The following RASEF variants were observed in gnomAD, a reference collection of about 807,000 sequenced individuals.
The protein encoded by RASEF is RAS and EF-hand domain containing, also known as ras and EF-hand domain-containing protein.
A neutral mutation model predicts 90.1 loss-of-function variants in RASEF; 68 were observed. The observed-to-expected ratio is 0.75, with a 90% CI of 0.62 to 0.92. The LOEUF is 0.92. Ranked by LOEUF, RASEF falls within the 40% of genes least tolerant of loss-of-function variation. The pLI, the probability that RASEF is intolerant of heterozygous loss-of-function variation, is 0.00. For synonymous variants in RASEF, 331 were observed against 345.2 expected (o/e 0.96, Z 0.46); for missense variants, 949 against 937.2 (o/e 1.01, Z -0.16).
chr9:83,005,648 A>T, intron 7 of RASEF, 148 bp from the exon 8 acceptor site: 2 of 658,938 alleles, frequency 3.0e-6, no homozygotes, highest in South Asian at 3.6e-5. Context: ...TCAAACCTCA[A>T]AAACTGAGAT....
the RASEF span, among the ~76,000 whole-genome samples, chr9:83,180,289 A>T: frequency 6.6e-6 from 1 of 152,154 alleles, no homozygotes. Flanking sequence ...GAATCAAACA[A>T]AAAATTAAAG....
chr9:83,075,355 GTA>G, the RASEF span, among the ~76,000 whole-genome samples: 68 of 152,254 alleles, frequency 4.5e-4, no homozygotes, highest in African/African-American at 1.6e-3. Flanking sequence ...GTGTGTGCGT[GTA>G]TATGTTTTTA....
the RASEF span, among the ~76,000 whole-genome samples, chr9:83,120,759 C>G: frequency 6.6e-6 from 1 of 152,132 alleles, no homozygotes; most frequent in Admixed American, 6.5e-5. Context: ...ATGCCATGGA[C>G]AGTAACAGTG....
In RASEF at chr9:83,055,712, A is replaced by G. The variant is rs770899395; in HGVS notation, c.431+6725T>C. 2.4e-4 allele frequency: 171 copies of G among 715,576 alleles called. No homozygotes were observed. The East Asian group carries it at 4.3e-3, about 18-fold the overall frequency. The allele number at this position is 715,576 out of a possible 1,614,324, so 44.3% of individuals were successfully genotyped here. Reference sequence around the variant, plus strand: ...TAATACAAAAGTCATCCAAATCTGTAATGCAGGTGATTTGGAATGAGCTCA... The same window carrying G: ...TAATACAAAAGTCATCCAAATCTGTGATGCAGGTGATTTGGAATGAGCTCA... On this transcript the variant is annotated intron_variant, in intron 1 of 16. Transcript: ENST00000376447.
chr9:83,014,015 C>T (rs927376740), intron 4 of RASEF, among the ~76,000 whole-genome samples: 22 of 152,166 alleles, frequency 1.4e-4, no homozygotes, highest in Non-Finnish European at 5.9e-5. Flanking sequence ...CCACTTGGGC[C>T]TCATCAGTCG....
At chr9:83,005,841 G>T (rs907555515) in intron 7 of RASEF, among the ~76,000 whole-genome samples, 1 of 152,194 alleles carries the variant, frequency 6.6e-6, no homozygotes, top group Non-Finnish European at 1.5e-5. Flanking sequence ...TGGCCAGCCA[G>T]TTACCACATT....
chr9:83,184,112 A>G, the RASEF span, among the ~76,000 whole-genome samples: 1 of 152,196 alleles, frequency 6.6e-6, no homozygotes, highest in African/African-American at 2.4e-5. Flanking sequence ...AGGATGAGTA[A>G]AGCTTGGCCA....
At chr9:83,211,985 A>G in the RASEF span, among the ~76,000 whole-genome samples, 1 of 152,088 alleles carries the variant, frequency 6.6e-6, no homozygotes, top group African/African-American at 2.4e-5. Flanking sequence ...GACCTCAGAA[A>G]CCCAGAAACT....
At chr9:83,215,428 C>T in the RASEF span, among the ~76,000 whole-genome samples, 1 of 152,118 alleles carries the variant, frequency 6.6e-6, no homozygotes, top group African/African-American at 2.4e-5. Flanking sequence ...CACAGACACC[C>T]ACCCCTAGAC....
At chr9:83,138,311 C>G in the RASEF span, among the ~76,000 whole-genome samples, 2 of 152,038 alleles carry the variant, frequency 1.3e-5, no homozygotes, top group Non-Finnish European at 2.9e-5. Context: ...CAATTCTTAG[C>G]CACAACATAA....
At chr9:83,076,950 T>G in the RASEF span, among the ~76,000 whole-genome samples, 1 of 152,228 alleles carries the variant, frequency 6.6e-6, no homozygotes, top group Non-Finnish European at 1.5e-5. Flanking sequence ...TTTTTAGTTT[T>G]AATTTTTTCC....
At chr9:83,149,754 A>C in the RASEF span, among the ~76,000 whole-genome samples, 1 of 152,218 alleles carries the variant, frequency 6.6e-6, no homozygotes, top group Non-Finnish European at 1.5e-5. Context: ...CAACCGCAGC[A>C]GATTGTTTTT....
intron 2 of RASEF, among the ~76,000 whole-genome samples, chr9:83,025,401 A>G (rs1364180903): frequency 6.6e-6 from 1 of 152,212 alleles, no homozygotes; most frequent in East Asian, 1.9e-4. Context: ...CAGGGAAATT[A>G]AGTAACCTGC....
At chr9:83,066,282 A>C (rs780120798), upstream of RASEF, among the ~76,000 whole-genome samples, 1 of 152,154 alleles carries the variant, frequency 6.6e-6, no homozygotes, top group Non-Finnish European at 1.5e-5. Context: ...TTCCCAGCTT[A>C]AGTAAAAGAA....
At chr9:83,013,545 A>C (rs2118517344) in intron 4 of RASEF, among the ~76,000 whole-genome samples, 1 of 152,366 alleles carries the variant, frequency 6.6e-6, no homozygotes, top group East Asian at 1.9e-4. Flanking sequence ...CAATTGTAAC[A>C]AATTTGTAAA....
intron 2 of RASEF, 130 bp downstream of exon 2, chr9:83,025,645 T>A (rs1319107744): frequency 8.2e-6 from 7 of 848,896 alleles, no homozygotes; most frequent in Non-Finnish European, 1.3e-5. Context: ...TTTTGAAAGC[T>A]CTAGACTCCT....
At position 83,062,489 on chromosome 9, in the gene RASEF, C is replaced by T. The variant is rs778752815; in HGVS notation, c.379G>A (p.Ala127Thr). ...TSCGPASPGR[A>T]WQDFQARLGD... The stretch of plus-strand genomic sequence containing the variant: ...AGTCGCGCCTGGAAATCCTGCCAAG[C>T]CCGGCCGGGACTCGCCGGGCCGCAC... Residue 127 changes from alanine (A) to threonine (T), a missense_variant, in exon 1 of 17, where the codon GCT (alanine) becomes ACT (threonine). By Grantham distance (58) the Ala-to-Thr change is moderately conservative. Transcript: ENST00000376447. 1 of 1,612,326 alleles carries T rather than the reference C, an allele frequency of 6.2e-7. No individual in the cohort carries two copies. Among genetic ancestry groups the T allele is most frequent in the Non-Finnish European group, 8.5e-7 (1 of 1,179,558 alleles).
chr9:83,025,643 G>T (rs1418262006), intron 2 of RASEF, 132 bp downstream of exon 2: 5 of 813,844 alleles, frequency 6.1e-6, no homozygotes, highest in African/African-American at 5.2e-5. Context: ...AATTTTGAAA[G>T]CTCTAGACTC....
chr9:83,081,427 G>T, the RASEF span, among the ~76,000 whole-genome samples: 1 of 151,950 alleles, frequency 6.6e-6, no homozygotes, highest in Non-Finnish European at 1.5e-5. Context: ...TTTTATAATT[G>T]TTCCTGTTCA....
Sources: allele counts gnomAD v4.1 joint callset (sites outside exome capture counted in the v4.1 genomes callset), GRCh38; gene constraint gnomAD v4.1.1; transcripts MANE v1.5; gene names NCBI Gene and HGNC (gene_info 2026-07-23, HGNC 2026-07-21).